TMEM175: variants seen among roughly 807,000 people sequenced by gnomAD.
The protein encoded by TMEM175 is endosomal/lysosomal proton channel TMEM175.
TMEM175 carries 36 observed loss-of-function variants against 36.5 expected under a neutral mutation model. The ratio of observed to expected loss-of-function variants is 0.99; its 90% CI spans 0.76 to 1.30. The LOEUF is 1.30. TMEM175 is among the 50% of genes most tolerant of loss of function. The pLI is 0.00. For missense variants in TMEM175, 705 were observed against 692.8 expected (o/e 1.02, Z -0.20); for synonymous variants, 339 against 313.4 (o/e 1.08, Z -0.86).
intron 10 of TMEM175, chr4:956,660 T>G (rs1010491922): frequency 5.3e-6 from 2 of 379,858 alleles, no homozygotes. Flanking sequence ...GCCAGGCTGG[T>G]CTTGAACTCC....
At chr4:950,660 T>C in intron 4 of TMEM175, 142 bp downstream of exon 4, 1 of 519,646 alleles carries the variant, frequency 1.9e-6, no homozygotes. Flanking sequence ...TGGCAGGACT[T>C]ACCCCAAACC....
intron 8 of TMEM175, 99 bp downstream of exon 8, chr4:953,453 G>A (rs1577439392): frequency 1.4e-5 from 20 of 1,390,226 alleles, no homozygotes; most frequent in Middle Eastern, 2.1e-4. Flanking sequence ...GGGGCAGAGC[G>A]CAGACAGGCA....
chr4:948,649 AC>A (rs2153001054), intron 3 of TMEM175: 1 of 1,236,556 alleles, frequency 8.1e-7, no homozygotes, highest in South Asian at 1.4e-5. Flanking sequence ...CAGAGTTTCC[AC>A]CTTGACTGTT....
intron 1 of TMEM175, among the ~76,000 whole-genome samples, chr4:936,869 A>G (rs998986050): frequency 3.3e-5 from 5 of 152,066 alleles, no homozygotes; most frequent in Non-Finnish European, 7.4e-5. Flanking sequence ...AGGCAGGAGA[A>G]TCGCTTGAAC....
Position 932,553 on chromosome 4 carries a change from C to T in TMEM175, c.-32+13C>T. On this transcript the variant is annotated intron_variant, in intron 1 of 10. Transcript: ENST00000264771. The surrounding 1 kb of genome is among the most constrained non-coding windows in gnomAD (Gnocchi z 4.0). The stretch of plus-strand genomic sequence containing the variant: ...GATTCCCGCCCAGGTAGTTCAGCGC[C>T]CCAGTCCAGCTCCCGGTACCGTTCC... The T allele has an allele frequency of 6.7e-6, 3 of 445,854 alleles. No individual in the cohort carries two copies. The highest frequency in any genetic ancestry group is 5.6e-4 in the Middle Eastern group (1 of 1,780). 27.6% of individuals were successfully genotyped at this position (445,854 alleles called of 1,614,324 possible).
At chr4:956,040 C>A in intron 10 of TMEM175, 150 bp downstream of exon 10, 1 of 1,035,176 alleles carries the variant, frequency 9.7e-7, no homozygotes, top group Non-Finnish European at 1.4e-6. Context: ...TCAGGGCAGC[C>A]CCCACTTCAG....
In TMEM175 at chr4:958,382, C is replaced by A. The variant is rs1159552042; in HGVS notation, c.1401C>A (p.Gly467=). The A allele has an allele frequency of 5.6e-6, 9 of 1,602,088 alleles. No homozygotes were observed. In the East Asian group the frequency reaches 1.6e-4, roughly 28 times the overall value. ...CAFLLLRLLV[G]LALATLRVLR... is the part of the protein sequence containing the mutation. ...TCCTGTTGCTGCGCCTGCTCGTGGG[C>A]CTGGCCCTGGCCACCCTGCGGGTCC... is the stretch of plus-strand genomic sequence containing the variant. The change falls in exon 11 of 11, where the codon GGC becomes GGA. Residue 467 remains glycine (G), a synonymous_variant. Transcript: ENST00000264771.
chr4:944,757 G>A lies in TMEM175; in HGVS notation c.-31-2952G>A, dbSNP rs147280206. ...TTAACTTTCTGATAGTTTACTTCAT[G>A]GTTTAATGATTTGTCCCTTACTAGT... On this transcript the variant is annotated intron_variant, in intron 1 of 10. Coordinates refer to ENST00000264771, the MANE Select transcript of TMEM175 (RefSeq NM_032326.4). Among the ~76,000 whole-genome samples the A allele has an allele frequency of 7.5e-3, 1,144 of 152,198 alleles. 4 individuals carry two copies. Among genetic ancestry groups the A allele is most frequent in the Non-Finnish European group, 0.012 (806 of 68,010 alleles).
At chr4:944,031 G>A (rs1025841466) in intron 1 of TMEM175, among the ~76,000 whole-genome samples, 11 of 152,186 alleles carry the variant, frequency 7.2e-5, no homozygotes, top group Non-Finnish European at 1.2e-4. Context: ...AGTGGCTCAC[G>A]CATGCAATCC....
chr4:954,993 A>C (rs1475414384), intron 8 of TMEM175, among the ~76,000 whole-genome samples: 2 of 152,080 alleles, frequency 1.3e-5, no homozygotes, highest in South Asian at 4.1e-4. Flanking sequence ...ATAGACGATA[A>C]ATTTTAAGAC....
At chr4:940,874 C>T (rs555532734) in intron 1 of TMEM175, among the ~76,000 whole-genome samples, 12 of 151,678 alleles carry the variant, frequency 7.9e-5, no homozygotes, top group East Asian at 3.9e-4. Context: ...GGCGTGGTGG[C>T]GTGTGCCTGT....
chr4:953,345 T>C lies in TMEM175; in HGVS notation c.618T>C (p.Phe206=). The C allele has an allele frequency of 1.2e-6, 2 of 1,611,920 alleles. No homozygotes were observed. Among genetic ancestry groups the C allele is most frequent in the Non-Finnish European group, 1.7e-6 (2 of 1,178,850 alleles). The change falls in exon 8 of 11, where the codon TTT becomes TTC. Residue 206 remains phenylalanine, a synonymous_variant. Coordinates refer to ENST00000264771, the MANE Select transcript of TMEM175 (RefSeq NM_032326.4). Reference sequence around the variant, plus strand: ...CAGCGGCCATCTTCTCTCTCTTCTTTGTCCCCTTGGTGAGTGCTGGGACAG... The same window carrying C: ...CAGCGGCCATCTTCTCTCTCTTCTTCGTCCCCTTGGTGAGTGCTGGGACAG... ...CFAAAIFSLF[F]VPLSYLLMVT... is the part of the protein sequence containing the mutation.
At chr4:955,362 G>T in intron 8 of TMEM175, 43 bp from the exon 9 acceptor site, 1 of 1,531,428 alleles carries the variant, frequency 6.5e-7, no homozygotes, top group Non-Finnish European at 9.0e-7. Context: ...CCTGGCCTCG[G>T]ACCCCTGTGG....
intron 1 of TMEM175, among the ~76,000 whole-genome samples, chr4:939,378 C>T (rs895679653): frequency 2.6e-5 from 4 of 151,968 alleles, no homozygotes; most frequent in Non-Finnish European, 5.9e-5. Context: ...GTCAGGAGTT[C>T]GAGACCAGCC....
At chr4:955,362 G>A (rs776687883) in intron 8 of TMEM175, 43 bp from the exon 9 acceptor site, 2 of 1,531,428 alleles carry the variant, frequency 1.3e-6, no homozygotes, top group Non-Finnish European at 1.8e-6. Flanking sequence ...CCTGGCCTCG[G>A]ACCCCTGTGG....
intron 2 of TMEM175, 24 bp from the exon 3 acceptor site, chr4:948,092 C>T: frequency 6.2e-7 from 1 of 1,614,162 alleles, no homozygotes; most frequent in Non-Finnish European, 8.5e-7. Context: ...TCTCCTGCTT[C>T]CTTCTGTCTC....
In TMEM175 at chr4:932,497, A is replaced by T. The variant is rs1210786402; in HGVS notation, c.-75A>T. ...GTCAAGCTCCCGGCCGGGCTGACTC[A>T]AGCGGAGGCGCGCGGAACAGTCGCC... On this transcript the variant is annotated 5_prime_UTR_variant, in exon 1 of 11. Transcript: ENST00000264771. The surrounding 1 kb of genome is among the most constrained non-coding windows in gnomAD (Gnocchi z 4.0). 8.5e-6 allele frequency: 4 copies of T among 470,568 alleles called. No individual in the cohort carries two copies. The East Asian group carries it at 1.4e-4, about 17-fold the overall frequency. 29.1% of individuals were successfully genotyped at this position (470,568 alleles called of 1,614,324 possible). A position where few individuals can be genotyped will look rare whatever the true frequency, so the allele number is the denominator to read the frequency against.
chr4:953,834 C>T (rs1376462328), intron 8 of TMEM175, among the ~76,000 whole-genome samples: 1 of 151,900 alleles, frequency 6.6e-6, no homozygotes, highest in Non-Finnish European at 1.5e-5. Context: ...TACAGGTGTG[C>T]ACCACCACAC....
intron 4 of TMEM175, among the ~76,000 whole-genome samples, chr4:950,782 A>C (rs1053138492): frequency 3.9e-5 from 5 of 128,786 alleles, no homozygotes; most frequent in African/African-American, 1.6e-4. Flanking sequence ...ATGGTGCAGT[A>C]GGCGGAGGTG....
Sources: gnomAD v4.1 joint callset for allele counts (sites outside exome capture counted in the v4.1 genomes callset) on GRCh38, gnomAD v4.1.1 for gene constraint, Gnocchi (gnomAD v3.1) non-coding constraint, MANE v1.5 for transcripts, NCBI Gene and HGNC (gene_info 2026-07-23, HGNC 2026-07-21) for gene names.